ADAMTS12: variants seen among roughly 807,000 people sequenced by gnomAD.
The protein encoded by ADAMTS12 is ADAM metallopeptidase with thrombospondin type 1 motif 12.
Under a neutral mutation model 167.8 loss-of-function variants are expected in ADAMTS12, and 118 were observed. The observed-to-expected ratio is 0.70, with a 90% CI of 0.61 to 0.82. The LOEUF is 0.82. ADAMTS12 is among the 40% of genes least tolerant of loss of function. The probability of loss-of-function intolerance (pLI) is 0.00; values close to 1 mark genes in which losing one functional copy is unlikely to be tolerated. For missense variants in ADAMTS12, 1,916 were observed against 1,998.8 expected, an observed-to-expected ratio of 0.96 and a Z score of 0.79; for synonymous variants, 704 against 716.9, an observed-to-expected ratio of 0.98 and a Z score of 0.29.
intron 12 of ADAMTS12, among the ~76,000 whole-genome samples, chr5:33,633,486 T>C (rs1419793557): frequency 6.6e-6 from 1 of 151,852 alleles, no homozygotes; most frequent in Non-Finnish European, 1.5e-5. Flanking sequence ...GGTCCTCTGC[T>C]GCAACTCTCC....
chr5:33,634,969 C>T (rs1161778675), intron 12 of ADAMTS12, among the ~76,000 whole-genome samples: 1 of 151,988 alleles, frequency 6.6e-6, no homozygotes, highest in Admixed American at 6.6e-5. Flanking sequence ...TGAAGCGATC[C>T]TCCCGCCCCA....
intron 19 of ADAMTS12, among the ~76,000 whole-genome samples, chr5:33,565,852 T>A (rs1353033569): frequency 6.6e-6 from 1 of 152,246 alleles, no homozygotes; most frequent in Non-Finnish European, 1.5e-5. Context: ...GTACTTCATT[T>A]TGGCTTAATT....
chr5:33,603,758 A>G (rs756464942), intron 16 of ADAMTS12: 7 of 146,896 alleles, frequency 4.8e-5, no homozygotes, highest in Non-Finnish European at 9.0e-5. Context: ...AAAATTCAAA[A>G]TAAGAAAACA....
At chr5:33,699,023 G>A (rs1182153078) in intron 3 of ADAMTS12, among the ~76,000 whole-genome samples, 19 of 152,120 alleles carry the variant, frequency 1.2e-4, no homozygotes, top group Admixed American at 1.2e-3. Flanking sequence ...CAGGTGTGGT[G>A]GTGGGCACCT....
At chr5:33,789,957 C>T (rs779577336) in intron 2 of ADAMTS12, among the ~76,000 whole-genome samples, 4 of 148,600 alleles carry the variant, frequency 2.7e-5, no homozygotes, top group Admixed American at 6.7e-5. Context: ...GTCATTTCAC[C>T]CCGAGACTAC....
At chr5:33,533,205 C>T (rs953720395) in intron 23 of ADAMTS12, among the ~76,000 whole-genome samples, 4 of 152,204 alleles carry the variant, frequency 2.6e-5, no homozygotes, top group African/African-American at 7.2e-5. Context: ...AGACAACCTA[C>T]ATATAATTCA....
At chr5:33,691,830 C>T (rs1275077151) in intron 3 of ADAMTS12, among the ~76,000 whole-genome samples, 3 of 152,194 alleles carry the variant, frequency 2.0e-5, no homozygotes, top group African/African-American at 4.8e-5. Context: ...AAATACAGTG[C>T]AAACTGCTTA....
chr5:33,587,170 G>A (rs1311123903), intron 18 of ADAMTS12, among the ~76,000 whole-genome samples: 2 of 152,046 alleles, frequency 1.3e-5, no homozygotes, highest in African/African-American at 4.8e-5. Context: ...CATCAAAGCT[G>A]CTGTATTTAA....
At chr5:33,542,094 T>A (rs1744729169) in intron 22 of ADAMTS12, among the ~76,000 whole-genome samples, 1 of 151,614 alleles carries the variant, frequency 6.6e-6, no homozygotes, top group East Asian at 1.9e-4. Flanking sequence ...AGGAGACCCA[T>A]CTCACATGCA....
At chr5:33,755,985 T>C (rs1299073922) in intron 2 of ADAMTS12, among the ~76,000 whole-genome samples, 2 of 152,062 alleles carry the variant, frequency 1.3e-5, no homozygotes, top group South Asian at 2.1e-4. Context: ...AAGGATAAAA[T>C]AGCACCCCAA....
intron 3 of ADAMTS12, among the ~76,000 whole-genome samples, chr5:33,697,389 CTGTT>C (rs1197019507): frequency 6.6e-6 from 1 of 152,058 alleles, no homozygotes; most frequent in Non-Finnish European, 1.5e-5. Flanking sequence ...CAGTGAGCAC[CTGTT>C]TGTTTCCCGT....
chr5:33,886,150 G>A (rs1226277467), intron 1 of ADAMTS12, among the ~76,000 whole-genome samples: 3 of 152,178 alleles, frequency 2.0e-5, no homozygotes, highest in Non-Finnish European at 4.4e-5. Context: ...TAAAGTGAAA[G>A]ACTAAAGTTT....
chr5:33,698,525 T>C (rs1326941743), intron 3 of ADAMTS12, among the ~76,000 whole-genome samples: 1 of 152,198 alleles, frequency 6.6e-6, no homozygotes, highest in Admixed American at 6.5e-5. Context: ...AATAATAATA[T>C]ATTACATTCA....
intron 14 of ADAMTS12, among the ~76,000 whole-genome samples, chr5:33,619,405 C>T (rs1739196506): frequency 6.6e-6 from 1 of 152,122 alleles, no homozygotes; most frequent in African/African-American, 2.4e-5. Context: ...AGCATTTTTG[C>T]CCCACAATAG....
At chr5:33,571,497 C>G (rs887259395) in intron 19 of ADAMTS12, among the ~76,000 whole-genome samples, 1 of 152,156 alleles carries the variant, frequency 6.6e-6, no homozygotes, top group Non-Finnish European at 1.5e-5. Flanking sequence ...CGAATGACTA[C>G]TGGGTACATA....
At chr5:33,678,451 G>A (rs1709139548) in intron 5 of ADAMTS12, among the ~76,000 whole-genome samples, 1 of 152,204 alleles carries the variant, frequency 6.6e-6, no homozygotes, top group South Asian at 2.1e-4. Flanking sequence ...TGTGAAACAT[G>A]CTGTGGAGAA....
intron 14 of ADAMTS12, among the ~76,000 whole-genome samples, chr5:33,622,592 G>T (rs897403671): frequency 5.9e-5 from 9 of 152,306 alleles, no homozygotes; most frequent in African/African-American, 2.2e-4. Flanking sequence ...AGCAGAGGTT[G>T]CAGTGAGCTG....
chr5:33,761,455 G>A (rs533321476), intron 2 of ADAMTS12, among the ~76,000 whole-genome samples: 49 of 152,326 alleles, frequency 3.2e-4, no homozygotes, highest in African/African-American at 1.1e-3. Flanking sequence ...GATGGACATA[G>A]GCTAATCAGG....
chr5:33,599,498 G>A (rs1311320597), intron 16 of ADAMTS12, among the ~76,000 whole-genome samples: 2 of 149,618 alleles, frequency 1.3e-5, no homozygotes, highest in African/African-American at 4.9e-5. Flanking sequence ...GGCTTCCCAT[G>A]AGATTTGGGA....
Sources: gnomAD v4.1 joint callset for allele counts (sites outside exome capture counted in the v4.1 genomes callset) on GRCh38, gnomAD v4.1.1 for gene constraint, MANE v1.5 for transcripts, NCBI Gene and HGNC (gene_info 2026-07-23, HGNC 2026-07-21) for gene names.